The following TASOR variants were observed in gnomAD, a reference collection of about 807,000 sequenced individuals.
The protein encoded by TASOR is transcription activation suppressor.
TASOR carries 53 observed loss-of-function variants against 178.6 expected under a neutral mutation model. The observed-to-expected ratio is 0.30, with a 90% confidence interval of 0.24 to 0.37. TASOR has a LOEUF of 0.37. TASOR is among the 10% of genes least tolerant of loss of function. The pLI is 1.00. For missense variants in TASOR, 1,815 were observed against 1,971.4 expected (o/e 0.92, Z 1.50); for synonymous variants, 713 against 696.2 (o/e 1.02, Z -0.38).
chr3:56,673,971 C>T (rs978464141), intron 1 of TASOR, among the ~76,000 whole-genome samples: 1 of 152,000 alleles, frequency 6.6e-6, no homozygotes, highest in Non-Finnish European at 1.5e-5. Context: ...AAGGAAGGTG[C>T]AATTTTGCAA....
intron 11 of TASOR, among the ~76,000 whole-genome samples, chr3:56,659,869 ATTTTCTT>A (rs1264584810): frequency 2.7e-5 from 4 of 150,600 alleles, no homozygotes; most frequent in African/African-American, 9.7e-5. Flanking sequence ...TTGTTCTTGG[ATTTTCTT>A]TTTTCTTTTT....
At chr3:56,653,514 G>A (rs574300801) in intron 11 of TASOR, among the ~76,000 whole-genome samples, 25 of 150,036 alleles carry the variant, frequency 1.7e-4, no homozygotes, top group African/African-American at 5.9e-4. Flanking sequence ...GGAACAATTA[G>A]ACTGAGAGCT....
intron 17 of TASOR, among the ~76,000 whole-genome samples, chr3:56,635,424 A>G (rs1279914619): frequency 6.6e-6 from 1 of 152,178 alleles, no homozygotes; most frequent in Non-Finnish European, 1.5e-5. Context: ...GTGCTTTAGT[A>G]CACATAAAGT....
chr3:56,634,485 A>G (rs1414725506), intron 17 of TASOR, among the ~76,000 whole-genome samples: 2 of 152,220 alleles, frequency 1.3e-5, no homozygotes, highest in Admixed American at 1.3e-4. Flanking sequence ...AATTAATTTT[A>G]TCTGCTTTCA....
intron 20 of TASOR, among the ~76,000 whole-genome samples, 157 bp downstream of exon 20, chr3:56,627,425 T>C (rs1166589943): frequency 6.6e-6 from 1 of 152,184 alleles, no homozygotes; most frequent in Non-Finnish European, 1.5e-5. Flanking sequence ...GAGGATATTA[T>C]TGGTCTAAGA....
intron 1 of TASOR, 55 bp downstream of exon 1, chr3:56,682,620 TA>T (rs2031907198): frequency 1.4e-6 from 2 of 1,391,222 alleles, no homozygotes; most frequent in Non-Finnish European, 1.9e-6. Context: ...AGAAAGATTC[TA>T]ATGAAAAGAT....
intron 1 of TASOR, among the ~76,000 whole-genome samples, chr3:56,678,779 G>A (rs1008997153): frequency 6.0e-4 from 91 of 152,136 alleles, no homozygotes; most frequent in African/African-American, 2.1e-3. Flanking sequence ...GGGAGGCCAA[G>A]GAGGGCGGAT....
At chr3:56,623,951 G>T in intron 23 of TASOR, 1 of 812,194 alleles carries the variant, frequency 1.2e-6, no homozygotes, top group Non-Finnish European at 1.9e-6. Context: ...CTAAATGAAT[G>T]ATCATTTCTG....
At chr3:56,640,648 T>C (rs1349621988) in intron 15 of TASOR, among the ~76,000 whole-genome samples, 1 of 151,116 alleles carries the variant, frequency 6.6e-6, no homozygotes, top group Non-Finnish European at 1.5e-5. Flanking sequence ...CGAGAAAGAA[T>C]GGGGACATGC....
Position 56,648,833 on chromosome 3 carries a change from C to T in TASOR, c.1502G>A (p.Ser501Asn). Residue 501 changes from serine to asparagine, a missense_variant, in exon 13 of 24, where the codon AGC (serine) becomes AAC (asparagine). Ser to Asn is a conservative substitution (Grantham distance 46, BLOSUM62 1). Around this residue, in one of 5 missense-constraint regions of TASOR, gnomAD observed 504 missense variants for 645.3 expected, o/e 0.78. Coordinates refer to ENST00000683822, the MANE Select transcript of TASOR (RefSeq NM_001365635.2). ...TTCAAAGAACTTACAAGTAACTATGCTTCTAGGTTCTTGAAATAGAAACAA... is the reference window on the plus strand; with the variant it reads ...TTCAAAGAACTTACAAGTAACTATGTTTCTAGGTTCTTGAAATAGAAACAA... The part of the protein sequence containing the change: ...HALFLFQEPR[S>N]IVTSQKGSTN... 1.9e-6 allele frequency: 3 copies of T among 1,609,628 alleles called. No homozygotes were observed. The highest frequency in any genetic ancestry group is 2.5e-6 in the Non-Finnish European group (3 of 1,177,716).
At chr3:56,664,512 G>T (rs1280875936) in intron 7 of TASOR, among the ~76,000 whole-genome samples, 1 of 152,126 alleles carries the variant, frequency 6.6e-6, no homozygotes, top group Non-Finnish European at 1.5e-5. Flanking sequence ...GGTTTCCAAG[G>T]ATTATTCACC....
chr3:56,626,397 T>C (rs535830509), intron 21 of TASOR, among the ~76,000 whole-genome samples: 1 of 152,200 alleles, frequency 6.6e-6, no homozygotes, highest in East Asian at 1.9e-4. Flanking sequence ...ACCTATAAAG[T>C]AGTCAGTTGG....
intron 17 of TASOR, among the ~76,000 whole-genome samples, chr3:56,636,404 G>GTGT (rs1319501306): frequency 4.8e-5 from 7 of 146,996 alleles, no homozygotes; most frequent in East Asian, 2.1e-4. Flanking sequence ...GGTGGTGGTG[G>GTGT]TGTTGTTGTT....
chr3:56,641,780 G>A, intron 14 of TASOR, 28 bp from the exon 15 acceptor site: 1 of 1,565,938 alleles, frequency 6.4e-7, no homozygotes, highest in Non-Finnish European at 8.7e-7. Flanking sequence ...ATTGGTTGAA[G>A]TTAAGTTTAA....
intron 7 of TASOR, among the ~76,000 whole-genome samples, 184 bp downstream of exon 7, chr3:56,666,076 A>T (rs2029929883): frequency 6.6e-6 from 1 of 152,154 alleles, no homozygotes; most frequent in African/African-American, 2.4e-5. Context: ...TCCACATGGT[A>T]AACTGTCTGT....
In TASOR at chr3:56,660,977, G is replaced by A. The variant is rs753240103; in HGVS notation, c.1201C>T (p.His401Tyr). The change falls in exon 10 of 24, where the codon CAT becomes TAT. Residue 401 changes from histidine (H) to tyrosine (Y), a missense_variant. By Grantham distance (83) the His-to-Tyr change is moderately conservative. Around this residue, in one of 5 missense-constraint regions of TASOR, gnomAD observed 504 missense variants for 645.3 expected, o/e 0.78. Transcript: ENST00000683822. ...GCTGGAGGGATTTTCTGTTTCAGATGATCAATACTCATAACTGTTTCAACA... is the reference window on the plus strand; with the variant it reads ...GCTGGAGGGATTTTCTGTTTCAGATAATCAATACTCATAACTGTTTCAACA... ...LDVETVMSIDHLKQKIPPALF... is the reference protein window; with the variant it reads ...LDVETVMSIDYLKQKIPPALF... 4 of 1,610,292 alleles carry A rather than the reference G, an allele frequency of 2.5e-6. No individual in the cohort carries two copies. In the East Asian group the frequency reaches 6.7e-5, roughly 27 times the overall value.
chr3:56,632,720 A>C (rs1292229390), intron 18 of TASOR, among the ~76,000 whole-genome samples: 1 of 152,082 alleles, frequency 6.6e-6, no homozygotes, highest in East Asian at 1.9e-4. Flanking sequence ...AGCTAACTGT[A>C]ATCTTGAATG....
intron 8 of TASOR, 39 bp from the exon 9 acceptor site, chr3:56,662,529 G>T: frequency 9.4e-7 from 1 of 1,064,694 alleles, no homozygotes; most frequent in Non-Finnish European, 1.4e-6. Flanking sequence ...TTAGTCACTT[G>T]GCAGCCCAGA....
intron 23 of TASOR, chr3:56,623,950 TGA>T: frequency 1.2e-6 from 1 of 818,004 alleles, no homozygotes. Context: ...ACTAAATGAA[TGA>T]TCATTTCTGC....
Sources: gnomAD v4.1 joint callset for allele counts (sites outside exome capture counted in the v4.1 genomes callset) on GRCh38, gnomAD v4.1.1 for gene constraint, gnomAD v4.1.1 regional missense constraint, MANE v1.5 for transcripts, NCBI Gene and HGNC (gene_info 2026-07-23, HGNC 2026-07-21) for gene names.